The following CRTC3 variants were observed in gnomAD, a reference collection of about 807,000 sequenced individuals.
The protein encoded by CRTC3 is CREB-regulated transcription coactivator 3.
Under a neutral mutation model 74.5 loss-of-function variants are expected in CRTC3, and 26 were observed. That is an observed-to-expected ratio of 0.35 (90% CI 0.26 to 0.48). The LOEUF (loss-of-function observed/expected upper bound fraction) is 0.48. Among genes scored for constraint, CRTC3 ranks in the 20% least tolerant of loss-of-function variants. CRTC3 has a pLI of 0.99. For synonymous variants in CRTC3, 377 were observed against 325.8 expected (o/e 1.16, Z -1.69); for missense variants, 760 against 787.3 (o/e 0.97, Z 0.41).
chr15:90,604,093 G>A (rs1968154388), intron 4 of CRTC3: 1 of 256,352 alleles, frequency 3.9e-6, no homozygotes, highest in Non-Finnish European at 7.6e-6. Flanking sequence ...TTGCCACGGC[G>A]CCCCCTACAT....
chr15:90,634,198 G>A (rs1048114673), intron 11 of CRTC3, among the ~76,000 whole-genome samples: 11 of 148,486 alleles, frequency 7.4e-5, no homozygotes, highest in South Asian at 6.5e-4. Flanking sequence ...TGTAACCTCC[G>A]CCATCCAGGT....
chr15:90,628,881 G>T (rs144173566), intron 10 of CRTC3, among the ~76,000 whole-genome samples: 187 of 152,238 alleles, frequency 1.2e-3, no homozygotes, highest in African/African-American at 4.3e-3. Context: ...GCTCTAAACA[G>T]AATTTGTTGT....
At chr15:90,571,053 G>T (rs190894711) in intron 2 of CRTC3, among the ~76,000 whole-genome samples, 6 of 152,300 alleles carry the variant, frequency 3.9e-5, no homozygotes, top group Admixed American at 3.9e-4. Context: ...TGTCCATAAT[G>T]TGGTTATATT....
At chr15:90,621,070 C>T (rs886987870) in intron 9 of CRTC3, among the ~76,000 whole-genome samples, 12 of 152,150 alleles carry the variant, frequency 7.9e-5, no homozygotes, top group African/African-American at 2.7e-4. Context: ...CCGAGAGGTG[C>T]AGGACATTCC....
intron 7 of CRTC3, among the ~76,000 whole-genome samples, 155 bp from the exon 8 acceptor site, chr15:90,617,728 A>G (rs952843683): frequency 6.6e-6 from 1 of 152,008 alleles, no homozygotes; most frequent in Non-Finnish European, 1.5e-5. Context: ...CGGGGGTCTC[A>G]CTATGTTGCC....
At chr15:90,616,454 A>G (rs1968497056) in intron 7 of CRTC3, among the ~76,000 whole-genome samples, 1 of 152,196 alleles carries the variant, frequency 6.6e-6, no homozygotes, top group Admixed American at 6.5e-5. Flanking sequence ...ATTTACTAGG[A>G]AAGTTTGGGC....
chr15:90,540,751 C>T (rs577148196), intron 2 of CRTC3, among the ~76,000 whole-genome samples: 4 of 151,608 alleles, frequency 2.6e-5, no homozygotes, highest in African/African-American at 7.3e-5. Context: ...CCAGCCTGGG[C>T]GACAGAGCGA....
intron 2 of CRTC3, among the ~76,000 whole-genome samples, chr15:90,560,059 A>G (rs1011682786): frequency 1.3e-5 from 2 of 152,078 alleles, no homozygotes; most frequent in African/African-American, 4.8e-5. Context: ...TTAGAGATAC[A>G]TGTTGTCTTA....
chr15:90,618,036 C>A, intron 8 of CRTC3, 68 bp downstream of exon 8: 1 of 1,038,578 alleles, frequency 9.6e-7, no homozygotes. Flanking sequence ...ATTGAAAAAT[C>A]CTGCAGAGGT....
At chr15:90,618,885 G>A (rs960434475) in intron 8 of CRTC3, among the ~76,000 whole-genome samples, 1 of 152,212 alleles carries the variant, frequency 6.6e-6, no homozygotes, top group Non-Finnish European at 1.5e-5. Flanking sequence ...GGCACATGTG[G>A]TTGTGGAGGC....
At chr15:90,638,930 G>A in intron 13 of CRTC3, 115 bp downstream of exon 13, 2 of 882,116 alleles carry the variant, frequency 2.3e-6, no homozygotes, top group South Asian at 2.8e-5. Context: ...CCTGGTTCTG[G>A]TTGTGTTCTG....
chr15:90,643,243 G>A lies in CRTC3; in HGVS notation c.*1103G>A, dbSNP rs888891883. ...GATGAATGAGTGCGTCCGCCATGCC[G>A]TAAGGCAGGCTCACCTGTAGCTATC... On this transcript the variant is annotated 3_prime_UTR_variant, in exon 15 of 15. Coordinates refer to ENST00000268184, the MANE Select transcript of CRTC3 (RefSeq NM_022769.5). 5.2e-5 allele frequency: 12 copies of A among 232,334 alleles called. No individual in the cohort carries two copies. The highest frequency in any genetic ancestry group is 1.7e-4 in the Admixed American group (3 of 17,756). The allele number at this position is 232,334 out of a possible 1,614,324, so 14.4% of individuals were successfully genotyped here.
At chr15:90,620,222 T>C in intron 9 of CRTC3, 1 of 185,228 alleles carries the variant, frequency 5.4e-6, no homozygotes, top group Non-Finnish European at 1.1e-5. Flanking sequence ...ATTAAGAGAG[T>C]TTCTGTGAAT....
chr15:90,641,881 G>A (rs1237818115), intron 14 of CRTC3, 51 bp from the exon 15 acceptor site: 2 of 1,538,006 alleles, frequency 1.3e-6, no homozygotes, highest in Non-Finnish European at 1.8e-6. Flanking sequence ...GTAGCCTGGA[G>A]CCTTCGCGCC....
intron 2 of CRTC3, among the ~76,000 whole-genome samples, chr15:90,572,906 T>TAA (rs1281571082): frequency 6.6e-6 from 1 of 152,212 alleles, no homozygotes; most frequent in Non-Finnish European, 1.5e-5. Flanking sequence ...AAACTGTGGT[T>TAA]AAAAAACACA....
rs928608718 is a variant in CRTC3, at chr15:90,540,326, G to A, written c.231+189G>A. Among the ~76,000 whole-genome samples, 9 of 152,216 alleles carry A rather than the reference G, an allele frequency of 5.9e-5. No homozygotes were observed. The South Asian group carries it at 6.2e-4, about 10-fold the overall frequency. On this transcript the variant is annotated intron_variant, in intron 2 of 14. Coordinates refer to ENST00000268184, the MANE Select transcript of CRTC3 (RefSeq NM_022769.5). ...CGATAGTGTTATTTCACAAATGGCT[G>A]AAGGCAGCACTGGCAAGTAGAATTA...
intron 11 of CRTC3, among the ~76,000 whole-genome samples, chr15:90,632,806 T>C (rs1482464051): frequency 6.6e-6 from 1 of 152,234 alleles, no homozygotes; most frequent in East Asian, 1.9e-4. Context: ...GGTTTTACCA[T>C]GTTAGCCAGG....
Position 90,643,267 on chromosome 15 carries a change from TC to T in CRTC3, c.*1131del, listed in dbSNP as rs1659596993. On this transcript the variant is annotated 3_prime_UTR_variant, in exon 15 of 15. Transcript: ENST00000268184. ...CGTAAGGCAGGCTCACCTGTAGCTA[TC>T]CCCTTCCCTGCCAGATCTTCTCAGA... The T allele has an allele frequency of 4.3e-6, 1 of 232,200 alleles. No homozygotes were observed. The highest frequency in any genetic ancestry group is 5.6e-5 in the Admixed American group (1 of 17,728). The allele number at this position is 232,200 out of a possible 1,614,324, so 14.4% of individuals were successfully genotyped here. A position where few individuals can be genotyped will look rare whatever the true frequency, so the allele number is the denominator to read the frequency against.
intron 2 of CRTC3, among the ~76,000 whole-genome samples, chr15:90,572,300 C>T (rs1019784273): frequency 2.6e-5 from 4 of 151,978 alleles, no homozygotes; most frequent in Admixed American, 2.0e-4. Context: ...TAACCAGTCT[C>T]TTATTGAGAG....
Sources: allele counts gnomAD v4.1 joint callset (sites outside exome capture counted in the v4.1 genomes callset), GRCh38; gene constraint gnomAD v4.1.1; transcripts MANE v1.5; gene names NCBI Gene and HGNC (gene_info 2026-07-23, HGNC 2026-07-21).